ZNF385D: variants seen among roughly 807,000 people sequenced by gnomAD.
The protein encoded by ZNF385D is zinc finger protein 659.
A neutral mutation model predicts 35.8 loss-of-function variants in ZNF385D; 15 were observed. The observed-to-expected ratio is 0.42, with a 90% CI of 0.28 to 0.64. The LOEUF is 0.64. ZNF385D is among the 30% of genes least tolerant of loss of function. The probability of loss-of-function intolerance (pLI) is 0.23; values close to 1 mark genes in which losing one functional copy is unlikely to be tolerated. For synonymous variants in ZNF385D, 212 were observed against 186.8 expected, an observed-to-expected ratio of 1.13 and a Z score of -1.10; for missense variants, 474 against 494.6, an observed-to-expected ratio of 0.96 and a Z score of 0.39.
At chr3:22,139,401 G>T (rs527885387) in intron 3 of ZNF385D, among the ~76,000 whole-genome samples, 1 of 152,244 alleles carries the variant, frequency 6.6e-6, no homozygotes, top group African/African-American at 2.4e-5. Context: ...TTAAGAAAAT[G>T]TGGCACATAT....
chr3:21,879,538 G>T (rs886702330), intron 3 of ZNF385D, among the ~76,000 whole-genome samples: 2 of 151,922 alleles, frequency 1.3e-5, no homozygotes, highest in African/African-American at 4.8e-5. Flanking sequence ...TTCTTCAAAG[G>T]CAGGAAGCTA....
intron 3 of ZNF385D, among the ~76,000 whole-genome samples, chr3:22,096,754 G>T (rs1158235076): frequency 6.6e-6 from 1 of 152,004 alleles, no homozygotes; most frequent in Non-Finnish European, 1.5e-5. Flanking sequence ...CATGAAACAG[G>T]ATGGGTTAAC....
rs550340679 is a variant in ZNF385D at position 21,721,096 on chromosome 3, T to G, written c.22+29799A>C. Among the ~76,000 whole-genome samples, 6 of 152,250 alleles carry G rather than the reference T, an allele frequency of 3.9e-5. No homozygotes were observed. In the South Asian group the frequency reaches 1.2e-3, roughly 32 times the overall value. Reference sequence around the variant, plus strand: ...TTTTCTTTTTTCTAGTGGACAAAGTTTATTCGAAAACATACTCTTGCGGTT... The same window carrying G: ...TTTTCTTTTTTCTAGTGGACAAAGTGTATTCGAAAACATACTCTTGCGGTT... On this transcript the variant is annotated intron_variant, in intron 1 of 7. Coordinates refer to ENST00000281523, the MANE Select transcript of ZNF385D (RefSeq NM_024697.3).
chr3:21,846,140 G>A (rs1695993470), intron 3 of ZNF385D, among the ~76,000 whole-genome samples: 1 of 152,026 alleles, frequency 6.6e-6, no homozygotes, highest in Admixed American at 6.6e-5. Flanking sequence ...TCTTTGCTGT[G>A]GAAAGATGTC....
chr3:21,961,238 ATGCCTG>A (rs1702572551), intron 3 of ZNF385D, among the ~76,000 whole-genome samples: 1 of 152,120 alleles, frequency 6.6e-6, no homozygotes, highest in African/African-American at 2.4e-5. Context: ...TTTTAAATGA[ATGCCTG>A]GAATATAAAA....
intron 3 of ZNF385D, among the ~76,000 whole-genome samples, chr3:21,514,226 T>C (rs1332423074): frequency 6.6e-6 from 1 of 152,162 alleles, no homozygotes; most frequent in Non-Finnish European, 1.5e-5. Context: ...GCCAGACACC[T>C]GGGAATTCTC....
In ZNF385D at chr3:21,670,657, C is replaced by T. The variant is rs1213511981; in HGVS notation, c.23-5629G>A. Among the ~76,000 whole-genome samples the T allele has an allele frequency of 0.021, 118 of 5,508 alleles. 42 individuals are homozygous for T. The Middle Eastern group carries it at 0.25, about 12-fold the overall frequency. 3.6% of individuals were successfully genotyped at this position (5,508 alleles called of 152,430 possible). A position where few individuals can be genotyped will look rare whatever the true frequency, so the allele number is the denominator to read the frequency against. The stretch of plus-strand genomic sequence containing the variant: ...AAAATGAAATCCTAAGGCGCCCCCC[C>T]CCCCCCCCCCCCCCCCAATGACTGA... On this transcript the variant is annotated intron_variant, in intron 1 of 7. Coordinates refer to ENST00000281523, the MANE Select transcript of ZNF385D (RefSeq NM_024697.3).
intron 3 of ZNF385D, among the ~76,000 whole-genome samples, chr3:21,866,156 TA>T (rs958328207): frequency 5.3e-5 from 8 of 151,096 alleles, no homozygotes; most frequent in Non-Finnish European, 8.9e-5. Context: ...AATCTGGTAT[TA>T]AAAAAAAACA....
intron 3 of ZNF385D, among the ~76,000 whole-genome samples, chr3:21,964,810 A>C (rs1422256883): frequency 6.6e-6 from 1 of 152,076 alleles, no homozygotes; most frequent in East Asian, 1.9e-4. Flanking sequence ...CAGATCTTGA[A>C]GTAACATAAT....
At chr3:21,466,336 T>C (rs1184306786) in intron 4 of ZNF385D, among the ~76,000 whole-genome samples, 5 of 152,212 alleles carry the variant, frequency 3.3e-5, no homozygotes, top group African/African-American at 1.2e-4. Context: ...TCTAGTCATA[T>C]TGAAGTTTAT....
intron 3 of ZNF385D, among the ~76,000 whole-genome samples, chr3:22,027,685 G>T (rs1038918240): frequency 6.6e-6 from 1 of 152,140 alleles, no homozygotes; most frequent in African/African-American, 2.4e-5. Context: ...ACGCACAGCT[G>T]CATTCCATCA....
chr3:21,625,969 C>T (rs910835814), intron 2 of ZNF385D, among the ~76,000 whole-genome samples: 1 of 151,998 alleles, frequency 6.6e-6, no homozygotes, highest in African/African-American at 2.4e-5. Flanking sequence ...TGGTTAGGTA[C>T]TCTTCACTTT....
chr3:21,545,799 C>CAA (rs2062351761), intron 3 of ZNF385D, among the ~76,000 whole-genome samples: 1 of 152,146 alleles, frequency 6.6e-6, no homozygotes, highest in African/African-American at 2.4e-5. Context: ...GACTTGTGTT[C>CAA]AGTAAAGAGT....
chr3:22,217,574 G>C (rs1697966584), intron 2 of ZNF385D, among the ~76,000 whole-genome samples: 2 of 152,176 alleles, frequency 1.3e-5, no homozygotes, highest in South Asian at 4.2e-4. Flanking sequence ...GCTTTTATGG[G>C]ATATAATTGA....
At chr3:21,554,615 G>C (rs2062671863) in intron 3 of ZNF385D, among the ~76,000 whole-genome samples, 1 of 152,132 alleles carries the variant, frequency 6.6e-6, no homozygotes, top group South Asian at 2.1e-4. Flanking sequence ...CTCTAGCTAG[G>C]TAAGTCCTAG....
intron 2 of ZNF385D, among the ~76,000 whole-genome samples, chr3:22,288,883 G>C (rs760292746): frequency 6.6e-6 from 1 of 152,078 alleles, no homozygotes; most frequent in Non-Finnish European, 1.5e-5. Context: ...AATCCATCCA[G>C]TCAGAGATCC....
chr3:21,984,692 A>G (rs1694705515), intron 3 of ZNF385D, among the ~76,000 whole-genome samples: 1 of 116,992 alleles, frequency 8.5e-6, no homozygotes, highest in South Asian at 3.9e-4. Flanking sequence ...GTTTTTTCCA[A>G]TTCTGTGAAG....
chr3:22,123,962 C>CTCTCTATA (rs1491571691), intron 3 of ZNF385D, among the ~76,000 whole-genome samples: 36 of 61,844 alleles, frequency 5.8e-4, no homozygotes, highest in Non-Finnish European at 7.2e-4. Context: ...CTCTCTCTCT[C>CTCTCTATA]TATATATATA....
At chr3:22,133,545 T>G (rs945452374) in intron 3 of ZNF385D, 1 of 152,058 alleles carries the variant, frequency 6.6e-6, no homozygotes, top group Non-Finnish European at 1.5e-5. Context: ...AGACTGCATA[T>G]CTGGTTTGAG....
Sources: gnomAD v4.1 joint callset for allele counts (sites outside exome capture counted in the v4.1 genomes callset) on GRCh38, gnomAD v4.1.1 for gene constraint, MANE v1.5 for transcripts, NCBI Gene and HGNC (gene_info 2026-07-23, HGNC 2026-07-21) for gene names.